TLE2: variants seen among roughly 807,000 people sequenced by gnomAD.
TLE2 encodes TLE family member 2, transcriptional corepressor.
Under a neutral mutation model 97.2 loss-of-function variants are expected in TLE2, and 74 were observed. That is an observed-to-expected ratio of 0.76 (90% CI 0.63 to 0.92). The LOEUF is 0.92. TLE2 is among the 40% of genes least tolerant of loss of function. The probability of loss-of-function intolerance (pLI) is 0.00; values close to 1 mark genes in which losing one functional copy is unlikely to be tolerated. For missense variants in TLE2, 1,038 were observed against 1,008.7 expected, an observed-to-expected ratio of 1.03 and a Z score of -0.39; for synonymous variants, 499 against 432.1, an observed-to-expected ratio of 1.15 and a Z score of -1.92.
intron 18 of TLE2, among the ~76,000 whole-genome samples, chr19:3,001,770 T>C (rs2089365629): frequency 6.7e-6 from 1 of 150,350 alleles, no homozygotes; most frequent in South Asian, 2.1e-4. Context: ...CTACTGTGCC[T>C]GGCTTAAATT....
chr19:3,025,211 G>A (rs543524885), intron 4 of TLE2, 129 bp from the exon 5 acceptor site: 5 of 1,121,252 alleles, frequency 4.5e-6, no homozygotes, highest in South Asian at 1.7e-5. Flanking sequence ...GTGCACAGAG[G>A]GAACTCAGGC....
chr19:3,025,436 G>A (rs2089926115), intron 4 of TLE2: 1 of 1,073,760 alleles, frequency 9.3e-7, no homozygotes, highest in East Asian at 6.7e-5. Flanking sequence ...GCTGGGCTCA[G>A]CTGAAACAAA....
intron 14 of TLE2, among the ~76,000 whole-genome samples, chr19:3,007,760 C>T (rs563745291): frequency 1.3e-5 from 2 of 152,214 alleles, no homozygotes; most frequent in South Asian, 2.1e-4. Flanking sequence ...CACCTGTGAC[C>T]AGTTAAAACA....
At chr19:3,017,626 A>G (rs953833870) in intron 8 of TLE2, among the ~76,000 whole-genome samples, 2 of 150,794 alleles carry the variant, frequency 1.3e-5, no homozygotes, top group Non-Finnish European at 3.0e-5. Flanking sequence ...AACTTTTTGT[A>G]TTTTTCTGTA....
intron 8 of TLE2, among the ~76,000 whole-genome samples, 198 bp downstream of exon 8, chr19:3,017,642 G>A (rs963644432): frequency 2.0e-5 from 3 of 151,458 alleles, no homozygotes; most frequent in East Asian, 1.9e-4. Flanking sequence ...CTGTAGAGAC[G>A]GGGTTTTGCC....
chr19:3,040,755 A>T (rs1017123178), intron 1 of TLE2, among the ~76,000 whole-genome samples: 2 of 149,464 alleles, frequency 1.3e-5, no homozygotes, highest in Non-Finnish European at 3.0e-5. Flanking sequence ...TCCCACCTCA[A>T]CCTCCCAAGT....
intron 1 of TLE2, among the ~76,000 whole-genome samples, chr19:3,040,854 C>G (rs1599257057): frequency 6.7e-6 from 1 of 150,156 alleles, no homozygotes; most frequent in South Asian, 2.1e-4. Context: ...CGACCTCAAT[C>G]TGAATCTTCC....
chr19:3,006,458 G>A lies in TLE2; in HGVS notation c.1462C>T (p.Pro488Ser), dbSNP rs2089480954. ...GCVKVWDVGQPGAKTPVAQLD... is the reference protein window; with the variant it reads ...GCVKVWDVGQSGAKTPVAQLD... ...TGGGCCACGGGCGTCTTGGCCCCAG[G>A]CTGGCCCACGTCCCACACCTTCACA... The change falls in exon 15 of 20, where the codon CCT becomes TCT. Residue 488 changes from proline to serine, a missense_variant. Transcript: ENST00000262953. 6.2e-7 allele frequency: 1 copy of A among 1,610,740 alleles called. No homozygotes were observed. Among genetic ancestry groups the A allele is most frequent in the Non-Finnish European group, 8.5e-7 (1 of 1,179,590 alleles).
In TLE2 at chr19:3,005,799, G is replaced by A; in HGVS notation, c.1670C>T (p.Pro557Leu). The change falls in exon 16 of 20, where the codon CCC (proline) becomes CTC (leucine). Residue 557 changes from proline (P) to leucine (L), a missense_variant. By Grantham distance (98) the Pro-to-Leu change is moderately conservative. Transcript: ENST00000262953. ...APACYALAVS[P>L]DAKVCFSCCS... ...GCAGGAGAAGCAAACCTTGGCGTCG[G>A]GGCTGACGGCCAGGGCGTAGCAGGC... is the stretch of plus-strand genomic sequence containing the variant. 1 of 1,613,996 alleles carries A rather than the reference G, an allele frequency of 6.2e-7. No homozygotes were observed. The highest frequency in any genetic ancestry group is 1.1e-5 in the South Asian group (1 of 91,086).
intron 15 of TLE2, 165 bp downstream of exon 15, chr19:3,006,255 G>A (rs2089474550): frequency 4.9e-6 from 6 of 1,223,368 alleles, no homozygotes; most frequent in Admixed American, 1.7e-5. Flanking sequence ...CACCCCTTTG[G>A]CCTGCAAGCC....
At chr19:3,004,810 G>T (rs1445087536) in intron 17 of TLE2, among the ~76,000 whole-genome samples, 1 of 152,022 alleles carries the variant, frequency 6.6e-6, no homozygotes, top group African/African-American at 2.4e-5. Context: ...TGGTGTGCAT[G>T]AGACCAGCCC....
rs758832319 is a variant in TLE2, at chr19:3,015,672, T to C, written c.659A>G (p.Lys220Arg). Residue 220 changes from lysine to arginine, a missense_variant, in exon 9 of 20, where the codon AAG becomes AGG. Coordinates refer to ENST00000262953, the MANE Select transcript of TLE2 (RefSeq NM_003260.5). ...GGGGKQRADE[K>R]EPSGPYESDE... ...ACTCACATAAGGTCCTGATGGCTCC[T>C]TCTCATCTGCTCTCTGCTTCCCGCC... The C allele has an allele frequency of 5.0e-6, 8 of 1,610,238 alleles. No homozygotes were observed. Among genetic ancestry groups the C allele is most frequent in the Non-Finnish European group, 6.8e-6 (8 of 1,178,848 alleles).
intron 8 of TLE2, among the ~76,000 whole-genome samples, chr19:3,017,201 A>G (rs1025210360): frequency 1.3e-5 from 2 of 151,276 alleles, no homozygotes; most frequent in African/African-American, 2.4e-5. Flanking sequence ...GCGGTGGTGC[A>G]ATCTCGGCTC....
intron 17 of TLE2, among the ~76,000 whole-genome samples, chr19:3,002,890 C>T (rs930446605): frequency 2.0e-5 from 3 of 151,946 alleles, no homozygotes; most frequent in South Asian, 2.1e-4. Flanking sequence ...GTAAAGACGG[C>T]GTTTCACCGT....
At chr19:3,045,981 C>T (rs767415732), upstream of TLE2, among the ~76,000 whole-genome samples, 4 of 152,210 alleles carry the variant, frequency 2.6e-5, no homozygotes, top group Non-Finnish European at 5.9e-5. Context: ...TTTCACTGTA[C>T]CACTCAAGCA....
chr19:3,016,470 G>T (rs57740041), intron 8 of TLE2, among the ~76,000 whole-genome samples: 1 of 145,458 alleles, frequency 6.9e-6, no homozygotes, highest in Non-Finnish European at 1.5e-5. Flanking sequence ...GGCACTTGTA[G>T]TCCCAGCTAC....
At position 3,019,836 on chromosome 19, in the gene TLE2, T is replaced by C; in HGVS notation, c.295-63A>G. ...GCCCCTGCTCATGCTAGCGGTGCCC[T>C]TGGGGACCTGACCTCTCCCCGCCAC... is the stretch of plus-strand genomic sequence containing the variant. On this transcript the variant is annotated intron_variant, in intron 5 of 19. Coordinates refer to ENST00000262953, the MANE Select transcript of TLE2 (RefSeq NM_003260.5). The surrounding 1 kb of genome is among the most constrained non-coding windows in gnomAD (Gnocchi z 5.1). 1.3e-6 allele frequency: 2 copies of C among 1,557,560 alleles called. No homozygotes were observed. The highest frequency in any genetic ancestry group is 8.7e-7 in the Non-Finnish European group (1 of 1,151,622).
intron 8 of TLE2, among the ~76,000 whole-genome samples, chr19:3,017,258 C>T (rs141244700): frequency 1.8e-3 from 280 of 152,168 alleles, no homozygotes; most frequent in African/African-American, 6.3e-3. Flanking sequence ...CTGCCTTGAC[C>T]TCCCGAGTAG....
intron 10 of TLE2, 143 bp from the exon 11 acceptor site, chr19:3,013,961 G>T: frequency 2.3e-6 from 2 of 854,490 alleles, no homozygotes; most frequent in Non-Finnish European, 3.2e-6. Context: ...ATCTTCTGCT[G>T]CCTCAGTTTA....
Sources: allele counts gnomAD v4.1 joint callset (sites outside exome capture counted in the v4.1 genomes callset), GRCh38; gene constraint gnomAD v4.1.1; non-coding constraint Gnocchi (gnomAD v3.1); transcripts MANE v1.5; gene names NCBI Gene and HGNC (gene_info 2026-07-23, HGNC 2026-07-21).